The following ARRB1 variants were observed in gnomAD, a reference collection of about 807,000 sequenced individuals.
ARRB1 encodes the protein beta-arrestin-1.
A neutral mutation model predicts 56.8 loss-of-function variants in ARRB1; 21 were observed. The observed-to-expected ratio is 0.37, with a 90% CI of 0.26 to 0.53. ARRB1 has a LOEUF of 0.53. ARRB1 is among the 20% of genes least tolerant of loss of function. The pLI, the probability that ARRB1 is intolerant of heterozygous loss-of-function variation, is 0.88. For missense variants in ARRB1, 424 were observed against 553.7 expected, an observed-to-expected ratio of 0.77 and a Z score of 2.35; for synonymous variants, 210 against 218.6, an observed-to-expected ratio of 0.96 and a Z score of 0.35.
chr11:75,300,827 G>A (rs1351871950), intron 1 of ARRB1, among the ~76,000 whole-genome samples: 1 of 151,212 alleles, frequency 6.6e-6, no homozygotes, highest in Non-Finnish European at 1.5e-5. Context: ...AATTAGCCGG[G>A]CGTGGTGGCG....
At chr11:75,311,500 A>G (rs1224269380) in intron 1 of ARRB1, among the ~76,000 whole-genome samples, 1 of 152,242 alleles carries the variant, frequency 6.6e-6, no homozygotes, top group African/African-American at 2.4e-5. Context: ...AGATTGTCAA[A>G]TTGCAGAAGA....
At chr11:75,274,616 C>T (rs866257619) in intron 10 of ARRB1, 17 of 161,044 alleles carry the variant, frequency 1.1e-4, no homozygotes, top group Middle Eastern at 6.0e-3. Flanking sequence ...AAGGTGAAAC[C>T]CCGTCTCTAC....
chr11:75,287,477 C>T (rs759361691), intron 2 of ARRB1, 102 bp from the exon 3 acceptor site: 39 of 1,160,234 alleles, frequency 3.4e-5, no homozygotes, highest in African/African-American at 1.1e-4. Flanking sequence ...AACTCCAGAC[C>T]CATCCCTAAC....
chr11:75,268,545 A>G (rs1052074930), intron 14 of ARRB1, among the ~76,000 whole-genome samples: 5 of 151,828 alleles, frequency 3.3e-5, no homozygotes, highest in Admixed American at 2.0e-4. Context: ...AAGAAGAAGA[A>G]AAACATGACA....
At chr11:75,279,169 C>T (rs1393346542) in intron 7 of ARRB1, among the ~76,000 whole-genome samples, 1 of 152,190 alleles carries the variant, frequency 6.6e-6, no homozygotes, top group South Asian at 2.1e-4. Flanking sequence ...CTAAGGTGTT[C>T]ACAGCTGTAC....
chr11:75,330,750 C>T (rs962535971), intron 1 of ARRB1, among the ~76,000 whole-genome samples: 2 of 152,244 alleles, frequency 1.3e-5, no homozygotes, highest in Non-Finnish European at 2.9e-5. Context: ...GTTCCAGGCC[C>T]GGCTGAGCAC....
At position 75,284,283 on chromosome 11, in the gene ARRB1, G is replaced by A. The variant is rs1396469596; in HGVS notation, c.113-4C>T. On this transcript the variant is annotated splice_polypyrimidine_tract_variant and splice_region_variant and intron_variant, in intron 3 of 15. Transcript: ENST00000420843. ...GGATCCACCAGGACCACACCATCTG[G>A]GGAAAGGACAGAGAGTAAGCGGCCT... The A allele has an allele frequency of 3.7e-6, 6 of 1,607,190 alleles. No homozygotes were observed. The South Asian group carries it at 4.4e-5, about 12-fold the overall frequency.
intron 1 of ARRB1, among the ~76,000 whole-genome samples, chr11:75,301,786 G>A (rs1449901775): frequency 2.0e-5 from 3 of 152,248 alleles, no homozygotes; most frequent in South Asian, 4.1e-4. Context: ...TTTGTGTACC[G>A]GCTCGTCTGC....
intron 1 of ARRB1, among the ~76,000 whole-genome samples, chr11:75,324,976 G>C (rs1212499195): frequency 6.6e-6 from 1 of 151,520 alleles, no homozygotes; most frequent in African/African-American, 2.4e-5. Flanking sequence ...AGGGATGCAG[G>C]TGTCAGAGAC....
chr11:75,307,789 T>C (rs976476389), intron 1 of ARRB1, among the ~76,000 whole-genome samples: 1 of 152,200 alleles, frequency 6.6e-6, no homozygotes, highest in East Asian at 1.9e-4. Flanking sequence ...GCCATATTTA[T>C]GTCAGCTGTG....
rs183269087 is a variant in ARRB1, at chr11:75,323,391, G to A, written c.20+28197C>T. On this transcript the variant is annotated intron_variant, in intron 1 of 15. Transcript: ENST00000420843. ...CCCAGCACTTTGGGAGGCCGAGGCG[G>A]GTGGATCACTTGCGGTCAGGAGCTG... Among the ~76,000 whole-genome samples the A allele has an allele frequency of 3.2e-3, 487 of 152,314 alleles. 4 individuals are homozygous for A. Among genetic ancestry groups the A allele is most frequent in the African/African-American group, 0.011 (450 of 41,578 alleles).
At position 75,295,279 on chromosome 11, in the gene ARRB1, G is replaced by A. The variant is rs1338878166; in HGVS notation, c.21-5240C>T. 2.7e-5 allele frequency among the ~76,000 whole-genome samples: 4 copies of A among 149,462 alleles called. 1 individual carries two copies. ...ACCCAACATATTATCTTATAGTTTG[G>A]TAGTTCAGAAACACTAAATGGGCCT... On this transcript the variant is annotated intron_variant, in intron 1 of 15. Coordinates refer to ENST00000420843, the MANE Select transcript of ARRB1 (RefSeq NM_004041.5).
At chr11:75,301,706 G>A (rs1444444465) in intron 1 of ARRB1, among the ~76,000 whole-genome samples, 3 of 152,142 alleles carry the variant, frequency 2.0e-5, no homozygotes, top group South Asian at 2.1e-4. Context: ...AGGGAGGTGC[G>A]GGGAGCAGGT....
At chr11:75,339,706 A>T (rs1164638914) in intron 1 of ARRB1, among the ~76,000 whole-genome samples, 1 of 152,152 alleles carries the variant, frequency 6.6e-6, no homozygotes, top group Non-Finnish European at 1.5e-5. Flanking sequence ...TGTTGAGATC[A>T]TCTATTTCCT....
intron 1 of ARRB1, among the ~76,000 whole-genome samples, chr11:75,340,709 A>G (rs1341518317): frequency 1.3e-5 from 2 of 152,216 alleles, no homozygotes; most frequent in African/African-American, 4.8e-5. Context: ...TGTGTGAAAC[A>G]GTGGCCTGCT....
At chr11:75,289,715 G>A (rs961178287) in intron 2 of ARRB1, among the ~76,000 whole-genome samples, 2 of 152,148 alleles carry the variant, frequency 1.3e-5, no homozygotes, top group African/African-American at 2.4e-5. Context: ...TGGTTGGCTT[G>A]TCCTCCACTG....
At chr11:75,288,496 G>A (rs1461872304) in intron 2 of ARRB1, among the ~76,000 whole-genome samples, 3 of 151,934 alleles carry the variant, frequency 2.0e-5, no homozygotes, top group African/African-American at 2.4e-5. Context: ...TCTCAAGTCC[G>A]TACCTCTCCA....
intron 1 of ARRB1, among the ~76,000 whole-genome samples, chr11:75,329,016 G>T (rs1302613832): frequency 6.6e-6 from 1 of 151,996 alleles, no homozygotes; most frequent in Non-Finnish European, 1.5e-5. Flanking sequence ...ATGCAAATTG[G>T]TCACTGCACC....
At chr11:75,331,721 A>G (rs1947523307) in intron 1 of ARRB1, among the ~76,000 whole-genome samples, 1 of 151,214 alleles carries the variant, frequency 6.6e-6, no homozygotes, top group East Asian at 2.0e-4. Context: ...GCCCGCCTGC[A>G]CCCAGGTGAA....
Sources: allele counts gnomAD v4.1 joint callset (sites outside exome capture counted in the v4.1 genomes callset), GRCh38; gene constraint gnomAD v4.1.1; transcripts MANE v1.5; gene names NCBI Gene and HGNC (gene_info 2026-07-23, HGNC 2026-07-21).